Variants in NRXN1 observed in about 807,000 individuals in gnomAD.
NRXN1 encodes neurexin 1.
NRXN1 carries 39 observed loss-of-function variants against 150.9 expected under a neutral mutation model. The observed-to-expected ratio is 0.26, with a 90% CI of 0.20 to 0.34. The LOEUF (loss-of-function observed/expected upper bound fraction) is 0.34. NRXN1 is among the 10% of genes least tolerant of loss of function. NRXN1 has a pLI of 1.00. For missense variants in NRXN1, 1,815 were observed against 1,949.9 expected (o/e 0.93, Z 1.30); for synonymous variants, 924 against 757.0 (o/e 1.22, Z -3.62).
chr2:50,313,411 C>T (rs2075338080), intron 17 of NRXN1, among the ~76,000 whole-genome samples: 1 of 152,064 alleles, frequency 6.6e-6, no homozygotes, highest in Non-Finnish European at 1.5e-5. Context: ...TTTTGACAAT[C>T]AGGAACCACA....
chr2:50,961,668 T>C (rs1010343217), intron 2 of NRXN1, among the ~76,000 whole-genome samples: 1 of 151,862 alleles, frequency 6.6e-6, no homozygotes, highest in African/African-American at 2.4e-5. Flanking sequence ...TGTAATATCA[T>C]CAATCAGATC....
chr2:50,005,904 G>A (rs1684684309), intron 21 of NRXN1, among the ~76,000 whole-genome samples: 1 of 152,074 alleles, frequency 6.6e-6, no homozygotes. Flanking sequence ...GCCACAGTTA[G>A]ATCTATTAAT....
chr2:50,683,646 A>AAAAAAAAAAAAAAAAATATATATATATAT, intron 5 of NRXN1, among the ~76,000 whole-genome samples: 6 of 14,900 alleles, frequency 4.0e-4, no homozygotes, highest in African/African-American at 7.2e-4. Flanking sequence ...AAAAAAAAAA[A>AAAAAAAAAAAAAAAAATATATATATATAT]ATATATATAT....
chr2:50,716,905 G>T (rs1695937537), intron 5 of NRXN1, among the ~76,000 whole-genome samples: 1 of 151,844 alleles, frequency 6.6e-6, no homozygotes, highest in Non-Finnish European at 1.5e-5. Context: ...CTACTATTCT[G>T]CTCTCTTTCT....
At chr2:50,442,696 G>C (rs1160566027) in intron 17 of NRXN1, among the ~76,000 whole-genome samples, 1 of 152,118 alleles carries the variant, frequency 6.6e-6, no homozygotes, top group Non-Finnish European at 1.5e-5. Context: ...GTATTTAAGG[G>C]CATGAGAATG....
chr2:50,129,076 C>T (rs1185284767), intron 18 of NRXN1, among the ~76,000 whole-genome samples: 1 of 152,024 alleles, frequency 6.6e-6, no homozygotes, highest in Admixed American at 6.6e-5. Context: ...GGTGGTAAAA[C>T]TCAAGAAAAA....
At chr2:50,477,934 G>C (rs1263348114) in intron 15 of NRXN1, among the ~76,000 whole-genome samples, 2 of 152,168 alleles carry the variant, frequency 1.3e-5, no homozygotes, top group Non-Finnish European at 2.9e-5. Flanking sequence ...ATTGTGATTG[G>C]ATGGTAAAAG....
chr2:50,824,026 T>C (rs1261750737), intron 5 of NRXN1, among the ~76,000 whole-genome samples: 1 of 152,132 alleles, frequency 6.6e-6, no homozygotes, highest in Admixed American at 6.5e-5. Flanking sequence ...AGAAACAATG[T>C]GGTCAGGCTT....
At chr2:50,639,224 T>TTCTTTCC (rs777137040) in intron 5 of NRXN1, among the ~76,000 whole-genome samples, 1 of 30,492 alleles carries the variant, frequency 3.3e-5, no homozygotes, top group African/African-American at 1.1e-4. Flanking sequence ...CTTTCTTTCT[T>TTCTTTCC]TTTTTTTTTT....
At chr2:50,715,150 A>T (rs907265996) in intron 5 of NRXN1, among the ~76,000 whole-genome samples, 1 of 152,192 alleles carries the variant, frequency 6.6e-6, no homozygotes, top group African/African-American at 2.4e-5. Context: ...ATCCACTCAA[A>T]TAGTACTGTC....
chr2:50,123,792 G>A (rs1024848566), intron 18 of NRXN1, among the ~76,000 whole-genome samples: 1 of 152,152 alleles, frequency 6.6e-6, no homozygotes, highest in Non-Finnish European at 1.5e-5. Flanking sequence ...TGATTTCAAG[G>A]TTTTTGGAAA....
chr2:50,302,283 T>A (rs1012221293), intron 17 of NRXN1, among the ~76,000 whole-genome samples: 3 of 152,148 alleles, frequency 2.0e-5, no homozygotes, highest in Non-Finnish European at 2.9e-5. Flanking sequence ...TTTTCAATAA[T>A]GAATAGCCAC....
At chr2:50,130,069 T>C (rs114735583) in intron 18 of NRXN1, among the ~76,000 whole-genome samples, 2,170 of 152,292 alleles carry the variant, frequency 0.014, 52 homozygotes, top group African/African-American at 0.05. Flanking sequence ...ATTCCCGTTT[T>C]ACAGATAAGA....
intron 15 of NRXN1, among the ~76,000 whole-genome samples, chr2:50,488,754 G>C (rs1345227817): frequency 6.6e-6 from 1 of 152,142 alleles, no homozygotes; most frequent in Non-Finnish European, 1.5e-5. Context: ...TGAGAGCTAG[G>C]AAAACCCTGA....
At chr2:50,807,071 C>G (rs1667603060) in intron 5 of NRXN1, among the ~76,000 whole-genome samples, 1 of 152,036 alleles carries the variant, frequency 6.6e-6, no homozygotes, top group African/African-American at 2.4e-5. Context: ...AACTACAGTG[C>G]CTCTAGAGTG....
intron 5 of NRXN1, among the ~76,000 whole-genome samples, chr2:50,762,344 C>G (rs1211800375): frequency 6.6e-6 from 1 of 151,364 alleles, no homozygotes; most frequent in East Asian, 2.0e-4. Context: ...TTTTTTTCAA[C>G]TTTTAATTTT....
At chr2:50,010,936 G>A (rs1350865652) in intron 21 of NRXN1, among the ~76,000 whole-genome samples, 1 of 152,082 alleles carries the variant, frequency 6.6e-6, no homozygotes, top group East Asian at 1.9e-4. Context: ...TCTCTGCAAG[G>A]TAGCAAATCA....
At chr2:50,057,771 A>C (rs1693873474) in intron 19 of NRXN1, among the ~76,000 whole-genome samples, 1 of 152,222 alleles carries the variant, frequency 6.6e-6, no homozygotes, top group African/African-American at 2.4e-5. Flanking sequence ...AGCAAATACT[A>C]GTGTCCAGAG....
At chr2:51,017,801 T>C (rs1378703429) in intron 2 of NRXN1, among the ~76,000 whole-genome samples, 1 of 152,096 alleles carries the variant, frequency 6.6e-6, no homozygotes, top group Admixed American at 6.6e-5. Context: ...CGTATAATTT[T>C]AAATAAATAA....
Sources: gnomAD v4.1 joint callset for allele counts (sites outside exome capture counted in the v4.1 genomes callset) on GRCh38, gnomAD v4.1.1 for gene constraint, MANE v1.5 for transcripts, NCBI Gene and HGNC (gene_info 2026-07-23, HGNC 2026-07-21) for gene names.